The following KANSL1L variants were observed in gnomAD, a reference collection of about 807,000 sequenced individuals.
KANSL1L encodes the protein KAT8 regulatory NSL complex subunit 1-like protein.
KANSL1L carries 25 observed loss-of-function variants against 108.6 expected under a neutral mutation model. The ratio of observed to expected loss-of-function variants is 0.23; its 90% CI spans 0.17 to 0.32. The LOEUF (loss-of-function observed/expected upper bound fraction) is 0.32. Ranked by LOEUF, KANSL1L falls within the 10% of genes least tolerant of loss-of-function variation. The pLI is 1.00. For synonymous variants in KANSL1L, 405 were observed against 395.1 expected (o/e 1.03, Z -0.30); for missense variants, 1,137 against 1,125.7 (o/e 1.01, Z -0.14).
At chr2:210,155,590 A>G (rs139397563) in intron 1 of KANSL1L, among the ~76,000 whole-genome samples, 1 of 152,358 alleles carries the variant, frequency 6.6e-6, no homozygotes, top group Non-Finnish European at 1.5e-5. Flanking sequence ...TGCCTAGAAA[A>G]TAGCGGAGAC....
At chr2:210,049,559 T>TTA (rs1490503977) in intron 6 of KANSL1L, among the ~76,000 whole-genome samples, 1 of 152,054 alleles carries the variant, frequency 6.6e-6, no homozygotes, top group African/African-American at 2.4e-5. Flanking sequence ...GCCCAGGAGT[T>TTA]TGAGTCCAAA....
intron 1 of KANSL1L, among the ~76,000 whole-genome samples, chr2:210,158,590 T>C (rs2095345744): frequency 6.6e-6 from 1 of 152,050 alleles, no homozygotes; most frequent in African/African-American, 2.4e-5. Flanking sequence ...TGAATACACT[T>C]GGATATGAAG....
At chr2:210,058,504 A>T (rs1185128769) in intron 6 of KANSL1L, among the ~76,000 whole-genome samples, 3 of 152,014 alleles carry the variant, frequency 2.0e-5, no homozygotes, top group Admixed American at 2.0e-4. Flanking sequence ...CCCTATTCGT[A>T]CAGTCCCCTC....
chr2:210,062,992 A>G (rs1228782197), intron 6 of KANSL1L, among the ~76,000 whole-genome samples: 1 of 152,212 alleles, frequency 6.6e-6, no homozygotes, highest in Non-Finnish European at 1.5e-5. Context: ...TCTTCATAGC[A>G]GCCCCTCCCA....
At chr2:210,133,004 A>C (rs1172851115) in intron 2 of KANSL1L, among the ~76,000 whole-genome samples, 1 of 152,038 alleles carries the variant, frequency 6.6e-6, no homozygotes, top group African/African-American at 2.4e-5. Context: ...CAGGTTTTCT[A>C]TTTCTCATTG....
At chr2:210,035,482 G>GTTGT (rs772111944) in intron 8 of KANSL1L, among the ~76,000 whole-genome samples, 2 of 152,122 alleles carry the variant, frequency 1.3e-5, no homozygotes, top group Non-Finnish European at 2.9e-5. Flanking sequence ...GATATTTGTT[G>GTTGT]TTGTTTGTTT....
At chr2:210,024,262 GAAC>G (rs1348446894) in intron 13 of KANSL1L, 61 bp from the exon 14 acceptor site, 10 of 1,363,640 alleles carry the variant, frequency 7.3e-6, no homozygotes, top group Middle Eastern at 4.7e-4. Context: ...GAAAATTTAT[GAAC>G]AACCCAAGGT....
chr2:210,129,897 T>C (rs1400343270), intron 2 of KANSL1L, among the ~76,000 whole-genome samples: 1 of 151,936 alleles, frequency 6.6e-6, no homozygotes, highest in Non-Finnish European at 1.5e-5. Flanking sequence ...CTAGTACCTC[T>C]TGTCATTTGG....
chr2:210,160,361 G>T (rs2095355475), intron 1 of KANSL1L, among the ~76,000 whole-genome samples: 1 of 151,708 alleles, frequency 6.6e-6, no homozygotes, highest in Non-Finnish European at 1.5e-5. Flanking sequence ...AAAAAAAAAA[G>T]AAATAAAAAG....
At chr2:210,054,777 AGGGGAAAGGAAGGGAAG>A (rs1191115435) in intron 6 of KANSL1L, among the ~76,000 whole-genome samples, 100 of 151,924 alleles carry the variant, frequency 6.6e-4, no homozygotes, top group Admixed American at 4.2e-3. Flanking sequence ...GGGAAAAAGG[AGGGGAAAGGAAGGGAAG>A]GGGGAAAGGA....
chr2:210,106,192 A>G (rs940518224), intron 3 of KANSL1L, among the ~76,000 whole-genome samples: 1 of 152,168 alleles, frequency 6.6e-6, no homozygotes, highest in Non-Finnish European at 1.5e-5. Context: ...AGGTTTCTCC[A>G]CAAGTACCTG....
Position 210,154,544 on chromosome 2 carries a change from G to A in KANSL1L, c.39C>T (p.Ile13=). Residue 13 remains isoleucine (I), a synonymous_variant, in exon 2 of 15, where the codon ATC becomes ATT. Transcript: ENST00000281772. ...PALREATAKG[I]SFSSLPSTME... is the part of the protein sequence containing the mutation. ...TGGTACTTGGCAAAGATGAAAAGCTGATACCCTTTGCTGTTGCCTCCCTCA... is the reference window on the plus strand; with the variant it reads ...TGGTACTTGGCAAAGATGAAAAGCTAATACCCTTTGCTGTTGCCTCCCTCA... 3.8e-6 allele frequency: 6 copies of A among 1,563,262 alleles called. No individual in the cohort carries two copies. Among genetic ancestry groups the A allele is most frequent in the African/African-American group, 1.4e-5 (1 of 73,146 alleles).
At chr2:210,068,681 T>A (rs1369751761) in intron 6 of KANSL1L, among the ~76,000 whole-genome samples, 1 of 152,118 alleles carries the variant, frequency 6.6e-6, no homozygotes, top group Non-Finnish European at 1.5e-5. Flanking sequence ...ATTTTGGGGG[T>A]CTGACAACCT....
intron 5 of KANSL1L, among the ~76,000 whole-genome samples, chr2:210,092,473 T>C (rs1210844355): frequency 1.3e-5 from 2 of 152,248 alleles, no homozygotes; most frequent in Non-Finnish European, 2.9e-5. Flanking sequence ...TTATATTCAG[T>C]ATTTTTCAGA....
chr2:210,027,412 C>T (rs1357381452), intron 11 of KANSL1L, 62 bp from the exon 12 acceptor site: 1 of 1,043,426 alleles, frequency 9.6e-7, no homozygotes, highest in Non-Finnish European at 1.5e-6. Flanking sequence ...CAATTTTATA[C>T]TCAGCACAGC....
intron 2 of KANSL1L, among the ~76,000 whole-genome samples, chr2:210,130,735 A>G (rs2095112057): frequency 6.6e-6 from 1 of 152,248 alleles, no homozygotes; most frequent in South Asian, 2.1e-4. Flanking sequence ...CTAAATGCCA[A>G]TCACAAAATC....
intron 6 of KANSL1L, among the ~76,000 whole-genome samples, chr2:210,074,604 C>T (rs1468730): frequency 0.77 from 117,852 of 152,146 alleles, 46,617 homozygotes; most frequent in East Asian, 0.99. Flanking sequence ...ATCCCTCTGC[C>T]TTGGCCTCCC....
rs2095318466 is a variant in KANSL1L, at chr2:210,153,867, C to G, written c.716G>C (p.Arg239Thr). The G allele has an allele frequency of 6.2e-7, 1 of 1,612,664 alleles. No homozygotes were observed. The change falls in exon 2 of 15, where the codon AGA becomes ACA. Residue 239 changes from arginine to threonine, a missense_variant. This residue lies in a region of KANSL1L where 556 missense variants were observed against 537.7 expected (regional missense o/e 1.03). Coordinates refer to ENST00000281772, the MANE Select transcript of KANSL1L (RefSeq NM_152519.4). ...CATCTGCAAATGTTTCTGAGTTCTT[C>G]TAGCCTGGCTAAGTAAAATTTTCTG... ...SKQKILLSQA[R>T]RTQKHLQMLL...
At chr2:210,087,323 T>A (rs2094647274) in intron 5 of KANSL1L, among the ~76,000 whole-genome samples, 1 of 152,180 alleles carries the variant, frequency 6.6e-6, no homozygotes, top group Non-Finnish European at 1.5e-5. Flanking sequence ...CTGGCCATCC[T>A]CTTGTTGCTT....
Sources: gnomAD v4.1 joint callset for allele counts (sites outside exome capture counted in the v4.1 genomes callset) on GRCh38, gnomAD v4.1.1 for gene constraint, gnomAD v4.1.1 regional missense constraint, MANE v1.5 for transcripts, NCBI Gene and HGNC (gene_info 2026-07-23, HGNC 2026-07-21) for gene names.